Variants in RTF1 observed in about 807,000 individuals in gnomAD.
RTF1 encodes RTF1 homolog, Paf1/RNA polymerase II complex component.
In RTF1, 10 loss-of-function variants were observed where a neutral mutation model predicts 95.7. The observed-to-expected ratio is 0.10, with a 90% CI of 0.06 to 0.18. RTF1 has a LOEUF of 0.18. RTF1 is among the 10% of genes least tolerant of loss of function. The pLI is 1.00. For missense variants in RTF1, 458 were observed against 875.6 expected (o/e 0.52, Z 6.02); for synonymous variants, 305 against 311.8 (o/e 0.98, Z 0.23).
At chr15:41,426,556 C>T (rs766112406) in intron 1 of RTF1, among the ~76,000 whole-genome samples, 5 of 151,840 alleles carry the variant, frequency 3.3e-5, no homozygotes, top group Non-Finnish European at 4.4e-5. Context: ...CTGCCCACCT[C>T]GGCTTCCCGA....
intron 4 of RTF1, among the ~76,000 whole-genome samples, chr15:41,460,043 G>A (rs1175737506): frequency 6.6e-6 from 1 of 151,794 alleles, no homozygotes; most frequent in Non-Finnish European, 1.5e-5. Context: ...TATTAAGTAT[G>A]CTGAGTTATC....
rs150252400 is a variant in RTF1, at chr15:41,431,136, C to G, written c.199-7185C>G. The stretch of plus-strand genomic sequence containing the variant: ...GGCCAGGCTGGTCTTGAACTCCTGA[C>G]CTCGTGATCTGCCCACCTTGGCCTC... On this transcript the variant is annotated intron_variant, in intron 1 of 17. Coordinates refer to ENST00000389629, the MANE Select transcript of RTF1 (RefSeq NM_015138.5). 1.2e-3 allele frequency among the ~76,000 whole-genome samples: 182 copies of G among 151,286 alleles called. 1 individual carries two copies. Among genetic ancestry groups the G allele is most frequent in the Non-Finnish European group, 1.6e-3 (110 of 67,862 alleles).
At chr15:41,424,392 A>G (rs931240756) in intron 1 of RTF1, among the ~76,000 whole-genome samples, 1 of 152,174 alleles carries the variant, frequency 6.6e-6, no homozygotes. Context: ...ACCAGCATAT[A>G]TAAAAGAAAT....
chr15:41,471,147 TCCAGTGCCC>T lies in RTF1; in HGVS notation c.1026-23_1026-15del. The T allele has an allele frequency of 1.3e-6, 2 of 1,562,890 alleles. No individual in the cohort carries two copies. The highest frequency in any genetic ancestry group is 2.0e-5 in the Admixed American group (1 of 48,874). On this transcript the variant is annotated splice_polypyrimidine_tract_variant and intron_variant, in intron 7 of 17. Transcript: ENST00000389629. ...TTCTGTTTTTATGATGAACATTTTT[TCCAGTGCCC>T]CTTTGTTCCTCTTAGGAAAGAAGAG...
chr15:41,438,765 G>A (rs1193423472), intron 2 of RTF1, among the ~76,000 whole-genome samples: 2 of 151,876 alleles, frequency 1.3e-5, no homozygotes, highest in African/African-American at 4.8e-5. Flanking sequence ...GGAGGCTGAG[G>A]CAGGAGAATT....
chr15:41,475,476 T>G (rs772230361), intron 9 of RTF1, 49 bp from the exon 10 acceptor site: 1 of 1,486,570 alleles, frequency 6.7e-7, no homozygotes, highest in South Asian at 1.1e-5. Flanking sequence ...TTGCTTGTAC[T>G]ACAGTCAACA....
chr15:41,461,186 G>T (rs2140962387), intron 4 of RTF1, among the ~76,000 whole-genome samples: 1 of 152,116 alleles, frequency 6.6e-6, no homozygotes, highest in Admixed American at 6.6e-5. Context: ...GGGATTACAG[G>T]CGCCCACCAC....
rs573148547 is a variant in RTF1 at position 41,427,428 on chromosome 15, G to C, written c.198+10115G>C. On this transcript the variant is annotated intron_variant, in intron 1 of 17. Coordinates refer to ENST00000389629, the MANE Select transcript of RTF1 (RefSeq NM_015138.5). ...GGCCTCCCAAAGTGCTGGGATTACA[G>C]GCGTGAGCCACTGCGCCCGGCCCTA... 4.6e-5 allele frequency among the ~76,000 whole-genome samples: 7 copies of C among 152,254 alleles called. No individual in the cohort carries two copies. In the South Asian group the frequency reaches 1.2e-3, roughly 27 times the overall value.
intron 1 of RTF1, 112 bp downstream of exon 1, chr15:41,417,425 C>A: frequency 2.1e-6 from 2 of 932,010 alleles, no homozygotes; most frequent in Non-Finnish European, 1.4e-6. Context: ...CAGCTCGCCC[C>A]GTGCCCTGGG....
intron 4 of RTF1, among the ~76,000 whole-genome samples, chr15:41,464,301 A>G (rs2050869087): frequency 6.9e-6 from 1 of 145,406 alleles, no homozygotes; most frequent in African/African-American, 2.6e-5. Flanking sequence ...GCTAGGCTGG[A>G]GTGCAGTGGC....
intron 5 of RTF1, 40 bp downstream of exon 5, chr15:41,464,925 C>A: frequency 6.8e-7 from 1 of 1,474,484 alleles, no homozygotes; most frequent in Non-Finnish European, 8.9e-7. Context: ...AAGAATAAAC[C>A]TGTTTTGAGT....
chr15:41,467,523 T>C (rs1223308305), intron 6 of RTF1, among the ~76,000 whole-genome samples: 1 of 152,164 alleles, frequency 6.6e-6, no homozygotes, highest in Non-Finnish European at 1.5e-5. Context: ...GAGACCAGCC[T>C]GGCAAACATG....
intron 16 of RTF1, 119 bp downstream of exon 16, chr15:41,479,317 G>A (rs1290396045): frequency 1.6e-6 from 1 of 644,120 alleles, no homozygotes; most frequent in Non-Finnish European, 2.8e-6. Context: ...GTCCCTCTTG[G>A]AGTCCCTTCT....
intron 6 of RTF1, among the ~76,000 whole-genome samples, chr15:41,468,815 A>G (rs765023789): frequency 6.6e-6 from 1 of 152,176 alleles, no homozygotes; most frequent in Non-Finnish European, 1.5e-5. Context: ...TTTCTGCAAT[A>G]TTTTAAAGAG....
At position 41,483,453 on chromosome 15, in the gene RTF1, A is replaced by G. The variant is rs1301380741; in HGVS notation, c.*2766A>G. 6.6e-6 allele frequency: 1 copy of G among 151,396 alleles called. No individual in the cohort carries two copies. Among genetic ancestry groups the G allele is most frequent in the Non-Finnish European group, 1.5e-5 (1 of 67,606 alleles). 9.4% of individuals were successfully genotyped at this position (151,396 alleles called of 1,614,324 possible). A position where few individuals can be genotyped will look rare whatever the true frequency, so the allele number is the denominator to read the frequency against. On this transcript the variant is annotated 3_prime_UTR_variant, in exon 18 of 18. Transcript: ENST00000389629. ...CTTCTGGCAGGTGTAGGGAAAGTCTACTGCCTGCCACTCCCTTCAAAAAGA... is the reference window on the plus strand; with the variant it reads ...CTTCTGGCAGGTGTAGGGAAAGTCTGCTGCCTGCCACTCCCTTCAAAAAGA...
At chr15:41,452,062 A>G (rs1052546930) in intron 2 of RTF1, among the ~76,000 whole-genome samples, 4 of 152,100 alleles carry the variant, frequency 2.6e-5, no homozygotes, top group Non-Finnish European at 5.9e-5. Flanking sequence ...TAATTAAATT[A>G]TATGTTTATT....
At chr15:41,455,012 A>G (rs1366880287) in intron 3 of RTF1, among the ~76,000 whole-genome samples, 2 of 152,168 alleles carry the variant, frequency 1.3e-5, no homozygotes, top group Admixed American at 6.6e-5. Flanking sequence ...ACAAGTGGAT[A>G]AAGAAAATGT....
chr15:41,446,328 T>C (rs551642640), intron 2 of RTF1, among the ~76,000 whole-genome samples: 1 of 152,116 alleles, frequency 6.6e-6, no homozygotes, highest in East Asian at 1.9e-4. Flanking sequence ...CCCAACACTT[T>C]GGGAGGTTGA....
rs1270864788 is a variant in RTF1, at chr15:41,481,790, T to C, written c.*1103T>C. ...ATGTGGAGAGCAAACACAAAAAGAT[T>C]TAGGTTACGCCGGGTGCAGTAGCTC... On this transcript the variant is annotated 3_prime_UTR_variant, in exon 18 of 18. Coordinates refer to ENST00000389629, the MANE Select transcript of RTF1 (RefSeq NM_015138.5). The C allele has an allele frequency of 1.3e-5, 2 of 152,474 alleles. No homozygotes were observed. The highest frequency in any genetic ancestry group is 4.8e-5 in the African/African-American group (2 of 41,436). The allele number at this position is 152,474 out of a possible 1,614,324, so 9.4% of individuals were successfully genotyped here. A position where few individuals can be genotyped will look rare whatever the true frequency, so the allele number is the denominator to read the frequency against.
Sources: allele counts gnomAD v4.1 joint callset (sites outside exome capture counted in the v4.1 genomes callset), GRCh38; gene constraint gnomAD v4.1.1; transcripts MANE v1.5; gene names NCBI Gene and HGNC (gene_info 2026-07-23, HGNC 2026-07-21).